Variants in JPH3 observed in about 807,000 individuals in gnomAD.
JPH3 encodes junctophilin-3.
Under a neutral mutation model 59.6 loss-of-function variants are expected in JPH3, and 11 were observed. The ratio of observed to expected loss-of-function variants is 0.18; its 90% CI spans 0.12 to 0.31. The LOEUF (loss-of-function observed/expected upper bound fraction) is 0.31, where lower values mean the gene tolerates loss of function less well. Ranked by LOEUF, JPH3 falls within the 10% of genes least tolerant of loss-of-function variation. JPH3 has a pLI of 1.00. For missense variants in JPH3, 1,202 were observed against 1,105.7 expected, an observed-to-expected ratio of 1.09 and a Z score of -1.24; for synonymous variants, 673 against 483.6, an observed-to-expected ratio of 1.39 and a Z score of -5.14.
intron 1 of JPH3, among the ~76,000 whole-genome samples, chr16:87,631,923 G>A (rs547041423): frequency 2.9e-4 from 44 of 152,030 alleles, no homozygotes; most frequent in African/African-American, 1.0e-3. Flanking sequence ...TTTTATCTCT[G>A]AGGATTTAAA....
intron 2 of JPH3, among the ~76,000 whole-genome samples, chr16:87,664,909 C>T (rs1006727240): frequency 5.9e-5 from 9 of 152,204 alleles, no homozygotes; most frequent in African/African-American, 2.2e-4. Flanking sequence ...AGTGCATCTC[C>T]AGGGTGAACC....
chr16:87,624,628 T>C (rs892966845), intron 1 of JPH3, among the ~76,000 whole-genome samples: 3 of 152,214 alleles, frequency 2.0e-5, no homozygotes, highest in Non-Finnish European at 4.4e-5. Context: ...TGGGTCACTT[T>C]TGGGCTGTTT....
Position 87,644,640 on chromosome 16 carries a change from C to T in JPH3, c.765C>T (p.Ser255=), listed in dbSNP as rs2032077213. 1.2e-6 allele frequency: 2 copies of T among 1,612,038 alleles called. No individual in the cohort carries two copies. The highest frequency in any genetic ancestry group is 1.7e-6 in the Non-Finnish European group (2 of 1,179,916). Reference sequence around the variant, plus strand: ...AGGCGGGCATGAGCACCGTCAGCTCCACGGCCAGCGACATCCACTCCACCA... The same window carrying T: ...AGGCGGGCATGAGCACCGTCAGCTCTACGGCCAGCGACATCCACTCCACCA... ...RSEAGMSTVS[S]TASDIHSTIS... is the part of the protein sequence containing the mutation. The change falls in exon 2 of 5, where the codon TCC becomes TCT. Residue 255 remains serine, a synonymous_variant. Coordinates refer to ENST00000284262, the MANE Select transcript of JPH3 (RefSeq NM_020655.4).
At chr16:87,655,480 A>G (rs570071458) in intron 2 of JPH3, among the ~76,000 whole-genome samples, 1 of 152,226 alleles carries the variant, frequency 6.6e-6, no homozygotes, top group South Asian at 2.1e-4. Context: ...CAGCCTCCTG[A>G]GTAGCTGGGA....
In JPH3 at chr16:87,603,043, C is replaced by T. The variant is rs1349112658; in HGVS notation, c.-104C>T. ...TCCGGGGCCGCGTCCTCCTCTCCTC[C>T]GGAAAACGCTCGCGACCCAGGGCCG... On this transcript the variant is annotated 5_prime_UTR_variant, in exon 1 of 5. Transcript: ENST00000284262. The T allele has an allele frequency of 4.0e-6, 6 of 1,491,836 alleles. No homozygotes were observed. Among genetic ancestry groups the T allele is most frequent in the African/African-American group, 1.4e-5 (1 of 71,386 alleles). 92.4% of individuals were successfully genotyped at this position (1,491,836 alleles called of 1,614,324 possible). A position where few individuals can be genotyped will look rare whatever the true frequency, so the allele number is the denominator to read the frequency against.
chr16:87,626,747 C>T (rs973434994), intron 1 of JPH3, among the ~76,000 whole-genome samples: 1 of 152,210 alleles, frequency 6.6e-6, no homozygotes, highest in African/African-American at 2.4e-5. Flanking sequence ...GGGGAAGTGG[C>T]GGGAGCGGGT....
chr16:87,635,891 C>G (rs756625894), intron 1 of JPH3, among the ~76,000 whole-genome samples: 4 of 152,224 alleles, frequency 2.6e-5, no homozygotes, highest in African/African-American at 9.6e-5. Flanking sequence ...GCAGCCACAC[C>G]CTCCTGAGAG....
At chr16:87,647,638 T>C (rs2032196034) in intron 2 of JPH3, among the ~76,000 whole-genome samples, 1 of 152,180 alleles carries the variant, frequency 6.6e-6, no homozygotes. Context: ...TCTTGGATCG[T>C]AGCTCCTTTG....
At chr16:87,627,118 G>C (rs1271824919) in intron 1 of JPH3, among the ~76,000 whole-genome samples, 1 of 152,208 alleles carries the variant, frequency 6.6e-6, no homozygotes, top group Non-Finnish European at 1.5e-5. Context: ...CGGGGGGCGA[G>C]GCCAGTCATT....
intron 1 of JPH3, among the ~76,000 whole-genome samples, chr16:87,616,996 G>A (rs2030996123): frequency 6.6e-6 from 1 of 152,268 alleles, no homozygotes; most frequent in East Asian, 1.9e-4. Flanking sequence ...AGGCCTAGGC[G>A]GGTGGGTCAC....
intron 1 of JPH3, among the ~76,000 whole-genome samples, chr16:87,624,516 C>T (rs1237556368): frequency 6.6e-6 from 1 of 152,346 alleles, no homozygotes; most frequent in East Asian, 1.9e-4. Flanking sequence ...AGTAATATTC[C>T]ACTGCGGGGC....
At chr16:87,680,723 G>A (rs577215495) in intron 2 of JPH3, among the ~76,000 whole-genome samples, 3 of 152,344 alleles carry the variant, frequency 2.0e-5, no homozygotes, top group South Asian at 4.1e-4. Flanking sequence ...GTGCCAGGCC[G>A]AGACCTGGTG....
At chr16:87,620,077 C>G (rs911732140) in intron 1 of JPH3, among the ~76,000 whole-genome samples, 1 of 152,128 alleles carries the variant, frequency 6.6e-6, no homozygotes, top group Non-Finnish European at 1.5e-5. Flanking sequence ...CGGAGGTAAA[C>G]CCCTTGGGAA....
intron 4 of JPH3, among the ~76,000 whole-genome samples, chr16:87,691,753 C>T (rs1448665181): frequency 6.6e-6 from 1 of 152,102 alleles, no homozygotes; most frequent in African/African-American, 2.4e-5. Context: ...TCCCCAAAGC[C>T]CACAGAGAAC....
chr16:87,642,684 A>T (rs991130227), intron 1 of JPH3, among the ~76,000 whole-genome samples: 3 of 152,204 alleles, frequency 2.0e-5, no homozygotes, highest in African/African-American at 7.2e-5. Flanking sequence ...AGCTCAAATG[A>T]CAAATGAGGC....
chr16:87,646,631 C>G (rs923081491), intron 2 of JPH3, among the ~76,000 whole-genome samples: 1 of 152,214 alleles, frequency 6.6e-6, no homozygotes, highest in Non-Finnish European at 1.5e-5. Context: ...TGGTGAATTT[C>G]TTTCCTCTGT....
chr16:87,657,184 C>T (rs983740096), intron 2 of JPH3, among the ~76,000 whole-genome samples: 61 of 152,064 alleles, frequency 4.0e-4, no homozygotes, highest in African/African-American at 1.5e-3. Context: ...GCTTCTCAAG[C>T]AACAGTAATA....
intron 2 of JPH3, among the ~76,000 whole-genome samples, chr16:87,665,394 C>G (rs1482102960): frequency 6.6e-6 from 1 of 152,252 alleles, no homozygotes; most frequent in African/African-American, 2.4e-5. Flanking sequence ...CGGCCCAGCC[C>G]CGCTGTGACC....
Position 87,690,121 on chromosome 16 carries a change from C to A in JPH3, c.1761C>A (p.His587Gln). 1 of 1,585,634 alleles carries A rather than the reference C, an allele frequency of 6.3e-7. No individual in the cohort carries two copies. Among genetic ancestry groups the A allele is most frequent in the African/African-American group, 1.3e-5 (1 of 74,084 alleles). ...ESPPVFTWTS[H>Q]HRASNHSPGG... Reference sequence around the variant, plus strand: ...CCCCCGTGTTCACGTGGACTTCCCACCACCGGGCCAGCAACCACAGCCCCG... The same window carrying A: ...CCCCCGTGTTCACGTGGACTTCCCAACACCGGGCCAGCAACCACAGCCCCG... Residue 587 changes from histidine to glutamine, a missense_variant, in exon 4 of 5, where the codon CAC becomes CAA. Transcript: ENST00000284262.
Sources: gnomAD v4.1 joint callset for allele counts (sites outside exome capture counted in the v4.1 genomes callset) on GRCh38, gnomAD v4.1.1 for gene constraint, MANE v1.5 for transcripts, NCBI Gene and HGNC (gene_info 2026-07-23, HGNC 2026-07-21) for gene names.